KCNIP1: variants seen among roughly 807,000 people sequenced by gnomAD.
The protein encoded by KCNIP1 is potassium voltage-gated channel interacting protein 1.
KCNIP1 carries 18 observed loss-of-function variants against 33.0 expected under a neutral mutation model. That is an observed-to-expected ratio of 0.55 (90% CI 0.38 to 0.81). The LOEUF is 0.81. Among genes scored for constraint, KCNIP1 ranks in the 30% least tolerant of loss-of-function variants. The pLI is 0.00. For synonymous variants in KCNIP1, 93 were observed against 98.3 expected (o/e 0.95, Z 0.32); for missense variants, 238 against 271.6 (o/e 0.88, Z 0.87).
chr5:170,394,713 A>G (rs1754711161), intron 1 of KCNIP1, among the ~76,000 whole-genome samples: 1 of 152,172 alleles, frequency 6.6e-6, no homozygotes, highest in South Asian at 2.1e-4. Context: ...GAGTGAACAT[A>G]GTACCCAAAA....
chr5:170,702,190 G>C (rs755562878), intron 1 of KCNIP1, among the ~76,000 whole-genome samples: 1 of 152,184 alleles, frequency 6.6e-6, no homozygotes, highest in Non-Finnish European at 1.5e-5. Flanking sequence ...CCAGTGCCTA[G>C]AAGAGTGCTT....
At chr5:170,734,410 A>C (rs1764312033) in intron 7 of KCNIP1, among the ~76,000 whole-genome samples, 1 of 152,168 alleles carries the variant, frequency 6.6e-6, no homozygotes, top group Non-Finnish European at 1.5e-5. Context: ...CTAACACTTT[A>C]ATGTGTGAAA....
chr5:170,712,641 T>C (rs552898776), intron 1 of KCNIP1, among the ~76,000 whole-genome samples: 1 of 152,356 alleles, frequency 6.6e-6, no homozygotes, highest in Middle Eastern at 3.4e-3. Flanking sequence ...GTGGGAGCCA[T>C]GGGCACTGGG....
At chr5:170,406,199 T>C (rs560461310) in intron 1 of KCNIP1, among the ~76,000 whole-genome samples, 1 of 152,352 alleles carries the variant, frequency 6.6e-6, no homozygotes, top group Admixed American at 6.5e-5. Context: ...GGGATCACCA[T>C]GAGCAGTGAG....
At chr5:170,462,938 G>A (rs530708315) in intron 1 of KCNIP1, among the ~76,000 whole-genome samples, 1 of 152,144 alleles carries the variant, frequency 6.6e-6, no homozygotes, top group African/African-American at 2.4e-5. Context: ...AAAGGCATAA[G>A]AGTGACACAG....
At chr5:170,657,009 T>A (rs539307255) in intron 1 of KCNIP1, among the ~76,000 whole-genome samples, 132 of 147,358 alleles carry the variant, frequency 9.0e-4, no homozygotes, top group African/African-American at 3.2e-3. Context: ...TTTTTTTTTT[T>A]TTTTGAGACT....
At chr5:170,545,119 T>G (rs1285336342) in intron 1 of KCNIP1, among the ~76,000 whole-genome samples, 3 of 152,216 alleles carry the variant, frequency 2.0e-5, no homozygotes, top group Non-Finnish European at 4.4e-5. Flanking sequence ...TGTCTTTATT[T>G]TGTTTCATTT....
chr5:170,712,374 A>C (rs1053886109), intron 1 of KCNIP1, among the ~76,000 whole-genome samples: 1 of 152,238 alleles, frequency 6.6e-6, no homozygotes, highest in South Asian at 2.1e-4. Context: ...ACTTGTACCT[A>C]GTAGATACTT....
At chr5:170,581,760 C>A (rs1414772019) in intron 1 of KCNIP1, among the ~76,000 whole-genome samples, 1 of 152,196 alleles carries the variant, frequency 6.6e-6, no homozygotes. Context: ...GTTTGTGTTC[C>A]TACAAAGGAG....
At chr5:170,364,000 CT>C (rs56966570) in intron 1 of KCNIP1, among the ~76,000 whole-genome samples, 25,603 of 134,808 alleles carry the variant, frequency 0.19, 2,130 homozygotes, top group African/African-American at 0.22. Context: ...AGTGTAATAT[CT>C]TTTTTTTTTT....
intron 1 of KCNIP1, among the ~76,000 whole-genome samples, chr5:170,451,684 C>G (rs1756253663): frequency 6.7e-6 from 1 of 149,536 alleles, no homozygotes; most frequent in South Asian, 2.1e-4. Flanking sequence ...TTTGTACATA[C>G]TATATGTTTT....
In KCNIP1 at chr5:170,573,823, C is replaced by T. The variant is rs1049470882; in HGVS notation, c.61+69190C>T. Among the ~76,000 whole-genome samples, 3 of 152,160 alleles carry T rather than the reference C, an allele frequency of 2.0e-5. No individual in the cohort carries two copies. The East Asian group carries it at 5.8e-4, about 29-fold the overall frequency. ...ACAGAGACCTTATGGCCCATAGAGC[C>T]ATAAATATTTACTATATGGGCCAAG... On this transcript the variant is annotated intron_variant, in intron 1 of 7. Coordinates refer to ENST00000328939, the MANE Select transcript of KCNIP1 (RefSeq NM_014592.4).
At chr5:170,647,697 T>C (rs1192537132) in intron 1 of KCNIP1, among the ~76,000 whole-genome samples, 3 of 152,048 alleles carry the variant, frequency 2.0e-5, no homozygotes, top group Non-Finnish European at 2.9e-5. Context: ...TGGAATCATA[T>C]CTAGAAGATC....
At chr5:170,463,116 T>C (rs1049695170) in intron 1 of KCNIP1, among the ~76,000 whole-genome samples, 3 of 151,770 alleles carry the variant, frequency 2.0e-5, no homozygotes, top group Admixed American at 1.3e-4. Context: ...CAATAACCTA[T>C]GAAAATAAAA....
At chr5:170,576,624 G>A (rs1481660680) in intron 1 of KCNIP1, among the ~76,000 whole-genome samples, 1 of 152,200 alleles carries the variant, frequency 6.6e-6, no homozygotes, top group Non-Finnish European at 1.5e-5. Context: ...TCGGACAAGT[G>A]ACTTCAACTC....
intron 1 of KCNIP1, among the ~76,000 whole-genome samples, chr5:170,493,957 C>T (rs1359584177): frequency 6.6e-6 from 1 of 152,330 alleles, no homozygotes; most frequent in East Asian, 1.9e-4. Flanking sequence ...CATCGCAGGA[C>T]AGGTGGGGCA....
At chr5:170,473,747 C>T (rs2113142865) in intron 1 of KCNIP1, among the ~76,000 whole-genome samples, 1 of 152,306 alleles carries the variant, frequency 6.6e-6, no homozygotes, top group Middle Eastern at 3.4e-3. Flanking sequence ...TTTCCCTCGA[C>T]TGCACTTCCT....
chr5:170,627,573 G>T (rs896932717), intron 1 of KCNIP1, among the ~76,000 whole-genome samples: 3 of 152,260 alleles, frequency 2.0e-5, no homozygotes, highest in African/African-American at 7.2e-5. Flanking sequence ...GACCCTGGCT[G>T]ACCCCACAGA....
In KCNIP1 at chr5:170,733,692, C is replaced by G. The variant is rs1209369820; in HGVS notation, c.541-144C>G. The stretch of plus-strand genomic sequence containing the variant: ...GTTGTCTGGCCAGTGAAAGACAACT[C>G]TCATTCTCAGGGCAAAGTTGGTTAA... On this transcript the variant is annotated intron_variant, in intron 6 of 7. Transcript: ENST00000328939. 30 of 650,726 alleles carry G rather than the reference C, an allele frequency of 4.6e-5. No individual in the cohort carries two copies. The East Asian group carries it at 8.1e-4, about 18-fold the overall frequency. The allele number at this position is 650,726 out of a possible 1,614,324, so 40.3% of individuals were successfully genotyped here. A position where few individuals can be genotyped will look rare whatever the true frequency, so the allele number is the denominator to read the frequency against.
Sources: gnomAD v4.1 joint callset for allele counts (sites outside exome capture counted in the v4.1 genomes callset) on GRCh38, gnomAD v4.1.1 for gene constraint, MANE v1.5 for transcripts, NCBI Gene and HGNC (gene_info 2026-07-23, HGNC 2026-07-21) for gene names.